DNAH2: variants seen among roughly 807,000 people sequenced by gnomAD.
The protein encoded by DNAH2 is axonemal beta dynein heavy chain 2.
A neutral mutation model predicts 523.5 loss-of-function variants in DNAH2; 323 were observed. The observed-to-expected ratio is 0.62, with a 90% confidence interval of 0.56 to 0.68. DNAH2 has a LOEUF of 0.68. Ranked by LOEUF, DNAH2 falls within the 30% of genes least tolerant of loss-of-function variation. The probability of loss-of-function intolerance (pLI) is 0.00; values close to 1 mark genes in which losing one functional copy is unlikely to be tolerated. For synonymous variants in DNAH2, 2,093 were observed against 2,177.4 expected (o/e 0.96, Z 1.08); for missense variants, 4,907 against 5,701.5 (o/e 0.86, Z 4.49).
Position 7,792,287 on chromosome 17 carries a change from A to T in DNAH2, c.7089A>T (p.Ile2363=). ...TVYEYFVDPK[I]RSWTSFEDKL... ...ATGAGTATTTTGTGGACCCCAAAAT[A>T]CGGAGTTGGACATCATTTGAGGACA... is the stretch of plus-strand genomic sequence containing the variant. The change falls in exon 46 of 86, where the codon ATA becomes ATT. Residue 2363 remains isoleucine (I), a synonymous_variant. Transcript: ENST00000572933. 6.2e-7 allele frequency: 1 copy of T among 1,614,088 alleles called. No individual in the cohort carries two copies. The highest frequency in any genetic ancestry group is 8.5e-7 in the Non-Finnish European group (1 of 1,180,010).
intron 18 of DNAH2, among the ~76,000 whole-genome samples, chr17:7,762,737 C>G (rs565027156): frequency 6.6e-6 from 1 of 152,042 alleles, no homozygotes; most frequent in Admixed American, 6.5e-5. Flanking sequence ...TCCATGAGCA[C>G]GTTCACCCCA....
In DNAH2 at chr17:7,797,215, G is replaced by A; in HGVS notation, c.7903G>A (p.Asp2635Asn). The change falls in exon 51 of 86, where the codon GAT becomes AAT. Residue 2635 changes from aspartate to asparagine, a missense_variant. Physicochemically the swap from Asp to Asn is conservative, Grantham distance 23. This residue lies in a region of DNAH2 where 250 missense variants were observed against 371.3 expected (regional missense o/e 0.67). Coordinates refer to ENST00000572933, the MANE Select transcript of DNAH2 (RefSeq NM_020877.5). ...GCTTAGAGCCAACAAGGACTTCCAT[G>A]ATACCAAGTCCAGCATCACACGGCT... ...GMLRANKDFH[D>N]TKSSITRLWI... 1.2e-6 allele frequency: 2 copies of A among 1,613,652 alleles called. No individual in the cohort carries two copies. The highest frequency in any genetic ancestry group is 1.7e-6 in the Non-Finnish European group (2 of 1,179,938).
At position 7,775,253 on chromosome 17, in the gene DNAH2, A is replaced by G. The variant is rs2076416788; in HGVS notation, c.4732A>G (p.Ser1578Gly). Residue 1578 changes from serine to glycine, a missense_variant, in exon 30 of 86, where the codon AGC (serine) becomes GGC (glycine). Ser to Gly is a moderately conservative substitution (Grantham distance 56). Transcript: ENST00000572933. ...LLRIQKVGGP[S>G]SKWEAVGMFS... ...CTGCTTTCTGCAGGTTGGAGGGCCC[A>G]GCAGCAAATGGGAAGCTGTGGGGAT... 6.2e-7 allele frequency: 1 copy of G among 1,612,960 alleles called. No homozygotes were observed. Among genetic ancestry groups the G allele is most frequent in the African/African-American group, 1.3e-5 (1 of 74,890 alleles).
At position 7,832,452 on chromosome 17, in the gene DNAH2, T is replaced by G. The variant is rs1357173438; in HGVS notation, c.12727-127T>G. 1 of 1,154,020 alleles carries G rather than the reference T, an allele frequency of 8.7e-7. No individual in the cohort carries two copies. The highest frequency in any genetic ancestry group is 1.2e-6 in the Non-Finnish European group (1 of 817,408). The allele number at this position is 1,154,020 out of a possible 1,614,324, so 71.5% of individuals were successfully genotyped here. A position where few individuals can be genotyped will look rare whatever the true frequency, so the allele number is the denominator to read the frequency against. On this transcript the variant is annotated intron_variant, in intron 82 of 85. Coordinates refer to ENST00000572933, the MANE Select transcript of DNAH2 (RefSeq NM_020877.5). This position sits in a 1 kb window ranked among gnomAD's most constrained non-coding sequence, Gnocchi z 4.3. The stretch of plus-strand genomic sequence containing the variant: ...TTAACTTGGGAGGTGGAGGTTGCAG[T>G]GAGCCAAGATCGTACCACTGCACTC...
chr17:7,768,177 A>C lies in DNAH2; in HGVS notation c.3851A>C (p.Glu1284Ala). The C allele has an allele frequency of 6.2e-7, 1 of 1,614,164 alleles. No homozygotes were observed. The highest frequency in any genetic ancestry group is 1.1e-5 in the South Asian group (1 of 91,076). ...ACTTTTGCTCAGGACCGAAACTGGG[A>C]AATTATTGAAACCACTCGCTCAAAA... ...LAKEYKDRNWEIIETTRSKIE... is the reference protein window; with the variant it reads ...LAKEYKDRNWAIIETTRSKIE... Residue 1284 changes from glutamate to alanine, a missense_variant, in exon 24 of 86, where the codon GAA becomes GCA. Coordinates refer to ENST00000572933, the MANE Select transcript of DNAH2 (RefSeq NM_020877.5).
At chr17:7,743,170 C>T (rs1316076324) in intron 12 of DNAH2, 28 bp downstream of exon 12, 1 of 1,608,624 alleles carries the variant, frequency 6.2e-7, no homozygotes, top group Non-Finnish European at 8.5e-7. Context: ...CCCCTTTTCC[C>T]TATACTCCCC....
rs201723977 is a variant in DNAH2 at position 7,786,342 on chromosome 17, A to G, written c.6348A>G (p.Arg2116=). 1 of 1,611,272 alleles carries G rather than the reference A, an allele frequency of 6.2e-7. No individual in the cohort carries two copies. Among genetic ancestry groups the G allele is most frequent in the Non-Finnish European group, 8.5e-7 (1 of 1,179,876 alleles). The part of the protein sequence containing the change: ...RAGDPNFNIV[R]EFPLNPKALS... Reference sequence around the variant, plus strand: ...GAGACCCTAACTTCAACATTGTTAGAGTACGGGGCTGGGACAGTGGAGTCA... The same window carrying G: ...GAGACCCTAACTTCAACATTGTTAGGGTACGGGGCTGGGACAGTGGAGTCA... The change falls in exon 40 of 86, where the codon AGA becomes AGG. Residue 2116 remains arginine (R), a splice_region_variant and synonymous_variant. Coordinates refer to ENST00000572933, the MANE Select transcript of DNAH2 (RefSeq NM_020877.5). The surrounding 1 kb of genome is among the most constrained non-coding windows in gnomAD (Gnocchi z 7.5).
At position 7,818,318 on chromosome 17, in the gene DNAH2, G is replaced by A. The variant is rs143998175; in HGVS notation, c.10394G>A (p.Arg3465Gln). ...LNKSVARIGG[R>Q]LLMRIGDKEV... is the part of the protein sequence containing the mutation. ...GACCCTTCCGTGGATGCAGGTGGTC[G>A]GCTGTTGATGCGCATTGGCGATAAG... The change falls in exon 69 of 86, where the codon CGG becomes CAG. Residue 3465 changes from arginine to glutamine, a missense_variant. Arg to Gln is a conservative substitution (Grantham distance 43, BLOSUM62 1). Around this residue, in one of 3 missense-constraint regions of DNAH2, gnomAD observed 1,851 missense variants for 2,139.4 expected, o/e 0.87. Coordinates refer to ENST00000572933, the MANE Select transcript of DNAH2 (RefSeq NM_020877.5). 3.3e-5 allele frequency: 54 copies of A among 1,614,076 alleles called. No homozygotes were observed. The highest frequency in any genetic ancestry group is 2.1e-4 in the African/African-American group (16 of 75,040).
At chr17:7,771,819 TG>T (rs2076324783) in intron 28 of DNAH2, among the ~76,000 whole-genome samples, 1 of 151,990 alleles carries the variant, frequency 6.6e-6, no homozygotes, top group African/African-American at 2.4e-5. Flanking sequence ...CGGGTTCAAA[TG>T]ATTCTCCTGC....
At chr17:7,765,631 G>C (rs1325753465) in intron 21 of DNAH2, 66 bp downstream of exon 21, 23 of 1,548,984 alleles carry the variant, frequency 1.5e-5, no homozygotes, top group Non-Finnish European at 1.9e-5. Flanking sequence ...TCCAAGCCCA[G>C]GTCCTGGGAA....
intron 28 of DNAH2, among the ~76,000 whole-genome samples, chr17:7,772,442 T>G (rs1482500875): frequency 6.6e-6 from 1 of 152,172 alleles, no homozygotes; most frequent in Non-Finnish European, 1.5e-5. Flanking sequence ...AAAAAAACAA[T>G]GATCCCTTTG....
At chr17:7,736,990 T>TA in intron 7 of DNAH2, 77 bp from the exon 8 acceptor site, 1 of 1,327,272 alleles carries the variant, frequency 7.5e-7, no homozygotes. Flanking sequence ...CTAAAATAAA[T>TA]AAATAAATAA....
chr17:7,733,081 A>C lies in DNAH2; in HGVS notation c.400-6A>C, dbSNP rs770086862. On this transcript the variant is annotated splice_polypyrimidine_tract_variant and splice_region_variant and intron_variant, in intron 4 of 85. Transcript: ENST00000572933. ...ACTGAACTCTGATCTGCTGTCTTCCATGCAGACCCAGAACCAGCTTGTCTA... is the reference window on the plus strand; with the variant it reads ...ACTGAACTCTGATCTGCTGTCTTCCCTGCAGACCCAGAACCAGCTTGTCTA... 1.2e-6 allele frequency: 2 copies of C among 1,613,886 alleles called. No homozygotes were observed. Among genetic ancestry groups the C allele is most frequent in the East Asian group, 4.5e-5 (2 of 44,902 alleles).
In DNAH2 at chr17:7,758,989, A is replaced by G; in HGVS notation, c.2313A>G (p.Val771=). Residue 771 remains valine (V), a synonymous_variant, in exon 15 of 86, where the codon GTA becomes GTG. Transcript: ENST00000572933. ...KLLVRISGKR[V]YRDLEFEEDQ... is the part of the protein sequence containing the mutation. Reference sequence around the variant, plus strand: ...TGGTACGCATTAGTGGCAAACGGGTATACAGGGACCTGGAATTTGAAGAGG... The same window carrying G: ...TGGTACGCATTAGTGGCAAACGGGTGTACAGGGACCTGGAATTTGAAGAGG... 6.2e-7 allele frequency: 1 copy of G among 1,614,204 alleles called. No homozygotes were observed. Among genetic ancestry groups the G allele is most frequent in the Non-Finnish European group, 8.5e-7 (1 of 1,180,028 alleles).
At position 7,767,906 on chromosome 17, in the gene DNAH2, G is replaced by C; in HGVS notation, c.3682G>C (p.Asp1228His). 1.2e-6 allele frequency: 2 copies of C among 1,614,102 alleles called. No homozygotes were observed. The highest frequency in any genetic ancestry group is 2.7e-5 in the African/African-American group (2 of 75,018). The change falls in exon 23 of 86, where the codon GAT becomes CAT. Residue 1228 changes from aspartate (D) to histidine (H), a missense_variant. Physicochemically the swap from Asp to His is moderately conservative, Grantham distance 81. Coordinates refer to ENST00000572933, the MANE Select transcript of DNAH2 (RefSeq NM_020877.5). Reference protein sequence around the residue: ...KDLQNLEKELDALQQIWEIAR... With the variant: ...KDLQNLEKELHALQQIWEIAR... ...GCGCCTTTCTGCCCTGTAGGAGCTC[G>C]ATGCCCTCCAGCAAATCTGGGAGAT...
At chr17:7,747,129 T>G (rs1486742641) in intron 12 of DNAH2, among the ~76,000 whole-genome samples, 5 of 152,066 alleles carry the variant, frequency 3.3e-5, no homozygotes, top group Non-Finnish European at 7.4e-5. Context: ...ACATCATGAA[T>G]GGCATTTTTG....
intron 12 of DNAH2, among the ~76,000 whole-genome samples, chr17:7,744,893 A>G (rs1365977385): frequency 1.3e-5 from 2 of 152,146 alleles, no homozygotes; most frequent in Non-Finnish European, 2.9e-5. Flanking sequence ...GTGTTTATGG[A>G]TATGAGGGCA....
At chr17:7,728,320 T>A (rs2074886877) in intron 4 of DNAH2, among the ~76,000 whole-genome samples, 1 of 152,076 alleles carries the variant, frequency 6.6e-6, no homozygotes, top group Admixed American at 6.6e-5. Context: ...GGAAAAAAAA[T>A]GTTGGAAAAC....
chr17:7,727,384 G>T (rs1419135931), intron 4 of DNAH2, 92 bp downstream of exon 4: 3 of 1,496,640 alleles, frequency 2.0e-6, no homozygotes, highest in East Asian at 5.0e-5. Flanking sequence ...GTCATCTCCT[G>T]TGCCCACGGC....
Sources: allele counts gnomAD v4.1 joint callset (sites outside exome capture counted in the v4.1 genomes callset), GRCh38; gene constraint gnomAD v4.1.1; regional missense constraint gnomAD v4.1.1; non-coding constraint Gnocchi (gnomAD v3.1); transcripts MANE v1.5; gene names NCBI Gene and HGNC (gene_info 2026-07-23, HGNC 2026-07-21).